GRID2: variants seen among roughly 807,000 people sequenced by gnomAD.
GRID2 encodes the protein glutamate ionotropic receptor delta type subunit 2.
A neutral mutation model predicts 114.8 loss-of-function variants in GRID2; 33 were observed. The observed-to-expected ratio is 0.29, with a 90% CI of 0.22 to 0.38. The LOEUF (loss-of-function observed/expected upper bound fraction) is 0.38. GRID2 is among the 10% of genes least tolerant of loss of function. GRID2 has a pLI of 1.00. For synonymous variants in GRID2, 505 were observed against 449.9 expected, an observed-to-expected ratio of 1.12 and a Z score of -1.55; for missense variants, 1,184 against 1,257.7, an observed-to-expected ratio of 0.94 and a Z score of 0.89.
intron 2 of GRID2, among the ~76,000 whole-genome samples, chr4:92,694,404 C>T (rs947299524): frequency 1.3e-4 from 20 of 152,158 alleles, no homozygotes; most frequent in African/African-American, 3.9e-4. Context: ...ATCTGGAAGA[C>T]TAAAGTTTTG....
chr4:92,908,890 C>G (rs958632961), intron 2 of GRID2, among the ~76,000 whole-genome samples: 3 of 152,126 alleles, frequency 2.0e-5, no homozygotes, highest in Non-Finnish European at 4.4e-5. Flanking sequence ...GTCCTTATAT[C>G]TTCATCAATT....
chr4:93,765,853 C>G (rs1733623131), intron 14 of GRID2, among the ~76,000 whole-genome samples: 1 of 151,848 alleles, frequency 6.6e-6, no homozygotes. Context: ...ACTCAAGCCT[C>G]TCCGGTGGAA....
At chr4:93,197,566 A>G (rs1027869018) in intron 4 of GRID2, among the ~76,000 whole-genome samples, 2 of 152,200 alleles carry the variant, frequency 1.3e-5, no homozygotes, top group African/African-American at 4.8e-5. Context: ...TTTACTGGAC[A>G]GAATAAATGT....
At position 93,783,169 on chromosome 4, in the gene GRID2, G is replaced by T. The variant is rs1317511643; in HGVS notation, c.221+13719G>T. ...AATGTTTGTCCTCGTGGGAGGGAAG[G>T]CATGCTGACCAGGTGCCAGGCTCAG... is the stretch of plus-strand genomic sequence containing the variant. On this transcript the variant is annotated intron_variant, in intron 1 of 1. Transcript: ENST00000637838. Among the ~76,000 whole-genome samples the T allele has an allele frequency of 3.3e-5, 5 of 152,216 alleles. 1 individual carries two copies. The East Asian group carries it at 9.6e-4, about 29-fold the overall frequency.
intron 1 of GRID2, among the ~76,000 whole-genome samples, chr4:92,332,443 A>G (rs1726942091): frequency 6.6e-6 from 1 of 152,186 alleles, no homozygotes; most frequent in Non-Finnish European, 1.5e-5. Flanking sequence ...AGTTTCCAAC[A>G]CATGCTTTCT....
At chr4:93,681,572 C>T (rs1278755280) in intron 14 of GRID2, among the ~76,000 whole-genome samples, 1 of 151,964 alleles carries the variant, frequency 6.6e-6, no homozygotes, top group African/African-American at 2.4e-5. Context: ...GTACTGGTAC[C>T]AAAACAGAGA....
chr4:93,375,044 G>A (rs1407751908), intron 8 of GRID2, among the ~76,000 whole-genome samples: 1 of 152,046 alleles, frequency 6.6e-6, no homozygotes, highest in African/African-American at 2.4e-5. Context: ...AAGGACCAGG[G>A]AATGGCATTC....
intron 2 of GRID2, among the ~76,000 whole-genome samples, chr4:92,919,048 A>C (rs182658299): frequency 3.9e-5 from 6 of 152,178 alleles, no homozygotes; most frequent in African/African-American, 1.4e-4. Flanking sequence ...TGGCCCATTC[A>C]GAGATTCAAC....
At chr4:92,576,547 C>T (rs1371249171) in intron 1 of GRID2, among the ~76,000 whole-genome samples, 1 of 152,170 alleles carries the variant, frequency 6.6e-6, no homozygotes, top group African/African-American at 2.4e-5. Context: ...GACCTTCTGC[C>T]TTGCTTGAGC....
At chr4:93,797,842 GAAAA>G (rs10536515) in intron 1 of GRID2, among the ~76,000 whole-genome samples, 14 of 128,078 alleles carry the variant, frequency 1.1e-4, no homozygotes, top group Non-Finnish European at 9.8e-5. Flanking sequence ...TCCCCAGGAT[GAAAA>G]AAAAAAAAAA....
At chr4:92,804,755 T>C (rs1740334267) in intron 2 of GRID2, among the ~76,000 whole-genome samples, 1 of 152,022 alleles carries the variant, frequency 6.6e-6, no homozygotes, top group South Asian at 2.1e-4. Flanking sequence ...CAAATGCAAC[T>C]GCAAGTGGGA....
intron 14 of GRID2, among the ~76,000 whole-genome samples, chr4:93,684,055 A>G (rs1229025500): frequency 6.6e-6 from 1 of 152,130 alleles, no homozygotes; most frequent in Non-Finnish European, 1.5e-5. Context: ...GGAAGATATA[A>G]AATTATATAT....
Position 92,304,718 on chromosome 4 carries a change from C to T in GRID2, c.62C>T (p.Ala21Val), listed in dbSNP as rs146789050. 5.6e-5 allele frequency: 91 copies of T among 1,612,714 alleles called. No individual in the cohort carries two copies. The African/African-American group carries it at 1.1e-3, about 19-fold the overall frequency. ...SVWWSRTWDS[A>V]NADSIIHIGA... ...TGGTGGTCTCGAACCTGGGACTCGGCGAATGCGGATTCGATCATTCACATC... is the reference window on the plus strand; with the variant it reads ...TGGTGGTCTCGAACCTGGGACTCGGTGAATGCGGATTCGATCATTCACATC... Residue 21 changes from alanine (A) to valine (V), a missense_variant, in exon 1 of 16, where the codon GCG (alanine) becomes GTG (valine). Coordinates refer to ENST00000282020, the MANE Select transcript of GRID2 (RefSeq NM_001510.4).
chr4:92,733,720 C>T (rs1403440077), intron 2 of GRID2, among the ~76,000 whole-genome samples: 1 of 152,040 alleles, frequency 6.6e-6, no homozygotes, highest in Non-Finnish European at 1.5e-5. Context: ...TTGAAAATGA[C>T]ATTGCTATCA....
chr4:93,531,422 A>T (rs1272592127), intron 13 of GRID2, among the ~76,000 whole-genome samples: 1 of 152,060 alleles, frequency 6.6e-6, no homozygotes, highest in African/African-American at 2.4e-5. Flanking sequence ...AGTATTATTT[A>T]TTTGATTACT....
At chr4:93,263,906 A>G (rs1266502120) in intron 8 of GRID2, among the ~76,000 whole-genome samples, 3 of 152,204 alleles carry the variant, frequency 2.0e-5, no homozygotes, top group Non-Finnish European at 4.4e-5. Context: ...AAATGGGAGC[A>G]TAGAAGTCAA....
At chr4:92,559,392 T>C (rs1432468887) in intron 1 of GRID2, among the ~76,000 whole-genome samples, 1 of 152,154 alleles carries the variant, frequency 6.6e-6, no homozygotes, top group African/African-American at 2.4e-5. Flanking sequence ...TTGGATTATT[T>C]CAGATTGTGG....
At chr4:92,471,753 C>T (rs1722044431) in intron 1 of GRID2, among the ~76,000 whole-genome samples, 2 of 152,018 alleles carry the variant, frequency 1.3e-5, no homozygotes, top group African/African-American at 4.8e-5. Flanking sequence ...TAATTCTTCT[C>T]ACCCACACTT....
At chr4:92,307,762 T>A (rs1285698652) in intron 1 of GRID2, among the ~76,000 whole-genome samples, 5 of 152,246 alleles carry the variant, frequency 3.3e-5, no homozygotes, top group African/African-American at 1.2e-4. Context: ...TTAATACACA[T>A]CCACACACAG....
Sources: allele counts gnomAD v4.1 joint callset (sites outside exome capture counted in the v4.1 genomes callset), GRCh38; gene constraint gnomAD v4.1.1; transcripts MANE v1.5; gene names NCBI Gene and HGNC (gene_info 2026-07-23, HGNC 2026-07-21).